The following SCP2 variants were observed in gnomAD, a reference collection of about 807,000 sequenced individuals.
SCP2 encodes the protein sterol carrier protein 2.
SCP2 carries 48 observed loss-of-function variants against 71.4 expected under a neutral mutation model. The observed-to-expected ratio is 0.67, with a 90% CI of 0.53 to 0.86. The LOEUF (loss-of-function observed/expected upper bound fraction) is 0.86. Ranked by LOEUF, SCP2 falls within the 40% of genes least tolerant of loss-of-function variation. SCP2 has a pLI of 0.00. For missense variants in SCP2, 560 were observed against 655.6 expected (o/e 0.85, Z 1.59); for synonymous variants, 220 against 218.1 (o/e 1.01, Z -0.08).
At chr1:52,992,348 C>T (rs895413104) in intron 11 of SCP2, among the ~76,000 whole-genome samples, 13 of 152,118 alleles carry the variant, frequency 8.5e-5, no homozygotes, top group African/African-American at 3.1e-4. Flanking sequence ...ATAGCAAAAA[C>T]ATTAATCATC....
At chr1:53,038,824 C>T in intron 13 of SCP2, 93 bp from the exon 14 acceptor site, 1 of 1,513,356 alleles carries the variant, frequency 6.6e-7, no homozygotes, top group Non-Finnish European at 9.2e-7. Context: ...GGCCCGTATA[C>T]TCATATCATG....
intron 11 of SCP2, among the ~76,000 whole-genome samples, chr1:52,990,603 G>A (rs1312557554): frequency 1.3e-5 from 2 of 151,642 alleles, no homozygotes; most frequent in Non-Finnish European, 2.9e-5. Context: ...GCGTGGTGGC[G>A]GGCGCCTGCA....
intron 11 of SCP2, among the ~76,000 whole-genome samples, chr1:53,004,153 C>T (rs1660483556): frequency 6.6e-6 from 1 of 152,098 alleles, no homozygotes. Context: ...GATTCACATC[C>T]CAGGTGGGGT....
intron 11 of SCP2, chr1:52,994,894 G>A (rs1659813171): frequency 1.9e-6 from 1 of 512,922 alleles, no homozygotes; most frequent in Non-Finnish European, 3.9e-6. Flanking sequence ...AGCCATAGAT[G>A]GCAAATATGT....
intron 11 of SCP2, chr1:52,995,289 G>A (rs893092684): frequency 3.3e-5 from 16 of 482,432 alleles, no homozygotes; most frequent in South Asian, 5.1e-5. Context: ...TCCATCAGTC[G>A]GTAGAGAACA....
At chr1:52,996,410 G>C (rs1659942431) in intron 11 of SCP2, among the ~76,000 whole-genome samples, 1 of 152,202 alleles carries the variant, frequency 6.6e-6, no homozygotes, top group Non-Finnish European at 1.5e-5. Flanking sequence ...AGCGAAAGAT[G>C]GTAGAAGGTG....
At position 53,014,957 on chromosome 1, in the gene SCP2, T is replaced by G. The variant is rs1572188102; in HGVS notation, c.1149T>G (p.Gly383=). 1 of 1,614,082 alleles carries G rather than the reference T, an allele frequency of 6.2e-7. No homozygotes were observed. Among genetic ancestry groups the G allele is most frequent in the Non-Finnish European group, 8.5e-7 (1 of 1,179,970 alleles). ...RGEAGKRQVP[G]AKVALQHNLG... ...AAGCCGGAAAGAGGCAAGTTCCTGG[T>G]GCAAAGGTGGCTCTGCAGCATAATT... Residue 383 remains glycine (G), a synonymous_variant, in exon 12 of 16, where the codon GGT becomes GGG. Coordinates refer to ENST00000371514, the MANE Select transcript of SCP2 (RefSeq NM_002979.5).
intron 3 of SCP2, among the ~76,000 whole-genome samples, chr1:52,950,396 A>C (rs1036067918): frequency 1.3e-5 from 2 of 152,236 alleles, no homozygotes; most frequent in Non-Finnish European, 2.9e-5. Flanking sequence ...TTGGGATTAC[A>C]GGCATGAGCC....
At chr1:53,049,103 C>T (rs925331194) in intron 15 of SCP2, 1 of 152,248 alleles carries the variant, frequency 6.6e-6, no homozygotes, top group African/African-American at 2.4e-5. Flanking sequence ...TTGGCACTGA[C>T]ATTTCCACTG....
At chr1:52,948,806 TATA>T (rs1192825236) in intron 3 of SCP2, among the ~76,000 whole-genome samples, 1 of 152,170 alleles carries the variant, frequency 6.6e-6, no homozygotes, top group Non-Finnish European at 1.5e-5. Flanking sequence ...GTATATATTG[TATA>T]ATAATTGCCA....
intron 11 of SCP2, among the ~76,000 whole-genome samples, chr1:53,012,537 C>T (rs923608089): frequency 1.3e-5 from 2 of 152,226 alleles, no homozygotes; most frequent in South Asian, 2.1e-4. Context: ...CCCCTCTCTA[C>T]GTAACCATTC....
intron 15 of SCP2, 164 bp downstream of exon 15, chr1:53,048,101 T>C (rs1663953748): frequency 1.5e-6 from 1 of 650,248 alleles, no homozygotes; most frequent in East Asian, 3.0e-5. Flanking sequence ...TGCCACACAC[T>C]GTCTTGTGTG....
intron 12 of SCP2, among the ~76,000 whole-genome samples, chr1:53,021,940 C>T (rs752671111): frequency 1.1e-4 from 17 of 152,154 alleles, no homozygotes; most frequent in Non-Finnish European, 2.1e-4. Context: ...CCACCATGCC[C>T]GGCCTCATCA....
chr1:52,944,947 T>A (rs1388383412), intron 2 of SCP2, among the ~76,000 whole-genome samples: 1 of 151,954 alleles, frequency 6.6e-6, no homozygotes, highest in Non-Finnish European at 1.5e-5. Context: ...GTGTCTGGCC[T>A]GCTGTTAGCA....
intron 4 of SCP2, among the ~76,000 whole-genome samples, chr1:52,953,993 C>A (rs1285526479): frequency 2.9e-4 from 41 of 142,724 alleles, no homozygotes; most frequent in African/African-American, 9.2e-4. Flanking sequence ...AAAAAAAAAA[C>A]AAAAAAAACA....
chr1:53,000,715 G>A (rs1660258817), intron 11 of SCP2, among the ~76,000 whole-genome samples: 1 of 152,166 alleles, frequency 6.6e-6, no homozygotes, highest in Admixed American at 6.5e-5. Flanking sequence ...CCAGCATTTT[G>A]GGAGGCTGAG....
In SCP2 at chr1:53,047,899, T is replaced by C. The variant is rs765471614; in HGVS notation, c.1510T>C (p.Phe504Leu). Residue 504 changes from phenylalanine to leucine, a missense_variant, in exon 15 of 16, where the codon TTC (phenylalanine) becomes CTC (leucine). Phe to Leu is a conservative substitution (Grantham distance 22). Around this residue, in one of 3 missense-constraint regions of SCP2, gnomAD observed 43 missense variants for 65.9 expected, o/e 0.65. Transcript: ENST00000371514. ...CACAATCACAATGGCTGACTCAGAC[T>C]TCCTGGCTTTAATGACTGGTAAAAT... ...DCTITMADSD[F>L]LALMTGKMNP... 5 of 1,613,710 alleles carry C rather than the reference T, an allele frequency of 3.1e-6. No individual in the cohort carries two copies. In the Admixed American group the frequency reaches 8.3e-5, roughly 27 times the overall value.
At chr1:53,045,245 T>G (rs1663714956) in intron 14 of SCP2, among the ~76,000 whole-genome samples, 1 of 152,200 alleles carries the variant, frequency 6.6e-6, no homozygotes, top group African/African-American at 2.4e-5. Context: ...AAAGGAACCA[T>G]TATTTCAAAT....
intron 5 of SCP2, among the ~76,000 whole-genome samples, chr1:52,960,742 G>GTGTGTGTGTA (rs1261130450): frequency 1.2e-4 from 18 of 149,140 alleles, no homozygotes; most frequent in African/African-American, 4.5e-4. Flanking sequence ...GTGTGTGTGT[G>GTGTGTGTGTA]TATATTTATT....
Sources: allele counts gnomAD v4.1 joint callset (sites outside exome capture counted in the v4.1 genomes callset), GRCh38; gene constraint gnomAD v4.1.1; regional missense constraint gnomAD v4.1.1; transcripts MANE v1.5; gene names NCBI Gene and HGNC (gene_info 2026-07-23, HGNC 2026-07-21).